Variants in PPP2R2B observed in about 807,000 individuals in gnomAD.
The protein encoded by PPP2R2B is protein phosphatase 2 regulatory subunit Bbeta.
In PPP2R2B, 5 loss-of-function variants were observed where a neutral mutation model predicts 46.0. The observed-to-expected ratio is 0.11, with a 90% CI of 0.06 to 0.23. PPP2R2B has a LOEUF of 0.23. Among genes scored for constraint, PPP2R2B ranks in the 10% least tolerant of loss-of-function variants. The pLI is 1.00. For synonymous variants in PPP2R2B, 215 were observed against 206.7 expected (o/e 1.04, Z -0.34); for missense variants, 367 against 575.0 (o/e 0.64, Z 3.70).
At chr5:146,629,002 C>T (rs948998269) in intron 7 of PPP2R2B, among the ~76,000 whole-genome samples, 29 of 152,282 alleles carry the variant, frequency 1.9e-4, no homozygotes, top group Admixed American at 1.1e-3. Flanking sequence ...TGGTAAATGT[C>T]GGTGTGGCCT....
intron 5 of PPP2R2B, among the ~76,000 whole-genome samples, chr5:146,689,991 G>A (rs1778742007): frequency 6.6e-6 from 1 of 152,214 alleles, no homozygotes; most frequent in African/African-American, 2.4e-5. Context: ...ATAAGCAGAT[G>A]TATCAATAAA....
At chr5:146,596,139 G>T (rs1771148828) in intron 8 of PPP2R2B, among the ~76,000 whole-genome samples, 1 of 152,178 alleles carries the variant, frequency 6.6e-6, no homozygotes. Flanking sequence ...GACTGTACAT[G>T]GCTGTGTCTT....
intron 2 of PPP2R2B, among the ~76,000 whole-genome samples, chr5:146,728,760 T>G (rs1752040892): frequency 6.6e-6 from 1 of 152,218 alleles, no homozygotes; most frequent in Non-Finnish European, 1.5e-5. Flanking sequence ...TTTCCACTTT[T>G]GCTTCTTCGT....
chr5:146,979,231 T>C (rs534212397), intron 1 of PPP2R2B, among the ~76,000 whole-genome samples: 13 of 152,310 alleles, frequency 8.5e-5, no homozygotes, highest in African/African-American at 3.1e-4. Context: ...CTTAATGTTT[T>C]TGTTCATTTA....
chr5:147,017,375 T>A (rs909786254), intron 1 of PPP2R2B, among the ~76,000 whole-genome samples: 2 of 151,612 alleles, frequency 1.3e-5, no homozygotes, highest in African/African-American at 4.8e-5. Context: ...TCAGTCACAC[T>A]GGAACGTCTG....
chr5:146,954,392 A>G (rs1161411730), intron 1 of PPP2R2B, among the ~76,000 whole-genome samples: 1 of 152,198 alleles, frequency 6.6e-6, no homozygotes, highest in Non-Finnish European at 1.5e-5. Flanking sequence ...ATAGTCTCCA[A>G]TCTCATCCAG....
intron 1 of PPP2R2B, among the ~76,000 whole-genome samples, chr5:146,980,886 C>G (rs902235955): frequency 6.6e-6 from 1 of 152,072 alleles, no homozygotes; most frequent in East Asian, 1.9e-4. Flanking sequence ...TACTAGTTTT[C>G]TGTGTTGTAA....
chr5:146,715,566 A>AAG (rs1780450659), intron 2 of PPP2R2B, among the ~76,000 whole-genome samples: 1 of 152,172 alleles, frequency 6.6e-6, no homozygotes, highest in Non-Finnish European at 1.5e-5. Context: ...TTTGTGTTTT[A>AAG]TGTTATATCA....
intron 7 of PPP2R2B, among the ~76,000 whole-genome samples, chr5:146,632,355 T>G (rs1242948146): frequency 6.6e-6 from 1 of 152,204 alleles, no homozygotes; most frequent in Non-Finnish European, 1.5e-5. Flanking sequence ...CACTTCATCT[T>G]GGGCTTCCAG....
upstream of PPP2R2B, among the ~76,000 whole-genome samples, chr5:146,881,303 C>T (rs1482329491): frequency 6.6e-6 from 1 of 151,950 alleles, no homozygotes; most frequent in Non-Finnish European, 1.5e-5. Flanking sequence ...TTTTCTGCCT[C>T]CACATTTTTT....
At chr5:146,968,576 C>A (rs564664740) in intron 1 of PPP2R2B, among the ~76,000 whole-genome samples, 1 of 152,310 alleles carries the variant, frequency 6.6e-6, no homozygotes, top group East Asian at 1.9e-4. Flanking sequence ...TACTTCTTTG[C>A]TGAATTGAAG....
At chr5:146,852,071 GA>G (rs1018925552) in intron 2 of PPP2R2B, among the ~76,000 whole-genome samples, 4 of 151,958 alleles carry the variant, frequency 2.6e-5, no homozygotes, top group African/African-American at 9.7e-5. Flanking sequence ...GGAGCTGAAA[GA>G]AAAAAATTAA....
intron 2 of PPP2R2B, among the ~76,000 whole-genome samples, chr5:146,761,953 T>C (rs901884516): frequency 1.3e-5 from 2 of 152,184 alleles, no homozygotes; most frequent in Non-Finnish European, 2.9e-5. Flanking sequence ...GTGGGAATGA[T>C]GGCAGAGAAG....
intron 1 of PPP2R2B, among the ~76,000 whole-genome samples, chr5:146,929,054 G>T (rs1045857512): frequency 1.3e-5 from 2 of 151,982 alleles, no homozygotes; most frequent in African/African-American, 4.8e-5. Flanking sequence ...TCAAGTCTTT[G>T]CTCAGATATC....
chr5:146,620,387 A>G (rs1481232619), intron 7 of PPP2R2B, among the ~76,000 whole-genome samples: 1 of 152,168 alleles, frequency 6.6e-6, no homozygotes, highest in Non-Finnish European at 1.5e-5. Flanking sequence ...CTGGAAAGAT[A>G]TTGATTGAAG....
intron 2 of PPP2R2B, among the ~76,000 whole-genome samples, chr5:146,850,132 T>A (rs1760255178): frequency 6.6e-6 from 1 of 152,162 alleles, no homozygotes; most frequent in South Asian, 2.1e-4. Context: ...CACAGAGGAA[T>A]TTGAAGAGGT....
chr5:146,638,394 G>A lies in PPP2R2B; in HGVS notation c.647C>T (p.Ala216Val), dbSNP rs1204693180. 6.2e-7 allele frequency: 1 copy of A among 1,610,954 alleles called. No homozygotes were observed. The highest frequency in any genetic ancestry group is 1.7e-5 in the Admixed American group (1 of 59,972). ...QSFNIVDIKP[A>V]NMEELTEVIT... ...CACCTCCGTGAGCTCCTCCATGTTG[G>A]CTGGCTTAATGTCCACAATATCTGG... The change falls in exon 7 of 10, where the codon GCC becomes GTC. Residue 216 changes from alanine (A) to valine (V), a missense_variant. Coordinates refer to ENST00000394411, the MANE Select transcript of PPP2R2B (RefSeq NM_181675.4).
At chr5:146,734,368 T>C (rs921127573) in intron 2 of PPP2R2B, among the ~76,000 whole-genome samples, 1 of 152,174 alleles carries the variant, frequency 6.6e-6, no homozygotes, top group Non-Finnish European at 1.5e-5. Flanking sequence ...TTTTAACAGA[T>C]GGAGAAACTG....
intron 1 of PPP2R2B, among the ~76,000 whole-genome samples, chr5:146,943,587 T>G (rs1764390437): frequency 6.6e-6 from 1 of 152,220 alleles, no homozygotes; most frequent in Admixed American, 6.5e-5. Flanking sequence ...GGCCTTTTGA[T>G]TATCAGTAGT....
Sources: gnomAD v4.1 joint callset for allele counts (sites outside exome capture counted in the v4.1 genomes callset) on GRCh38, gnomAD v4.1.1 for gene constraint, MANE v1.5 for transcripts, NCBI Gene and HGNC (gene_info 2026-07-23, HGNC 2026-07-21) for gene names.